The following FRMPD2 variants were observed in gnomAD, a reference collection of about 807,000 sequenced individuals.
FRMPD2 encodes the protein FERM and PDZ domain-containing protein 2.
FRMPD2 carries 96 observed loss-of-function variants against 140.1 expected under a neutral mutation model. The observed-to-expected ratio is 0.69, with a 90% CI of 0.58 to 0.81. The LOEUF is 0.81. Among genes scored for constraint, FRMPD2 ranks in the 40% least tolerant of loss-of-function variants. FRMPD2 has a pLI of 0.00. For synonymous variants in FRMPD2, 449 were observed against 547.6 expected, an observed-to-expected ratio of 0.82 and a Z score of 2.52; for missense variants, 1,240 against 1,447.4, an observed-to-expected ratio of 0.86 and a Z score of 2.32.
intron 16 of FRMPD2, among the ~76,000 whole-genome samples, chr10:48,188,757 G>T (rs1372071219): frequency 6.6e-6 from 1 of 152,202 alleles, no homozygotes; most frequent in South Asian, 2.1e-4. Flanking sequence ...GGGCTTTTCT[G>T]GGCCTGGGTT....
In FRMPD2 at chr10:48,184,864, C is replaced by T; in HGVS notation, c.2377G>A (p.Gly793Arg). 1 of 1,611,624 alleles carries T rather than the reference C, an allele frequency of 6.2e-7. No individual in the cohort carries two copies. Among genetic ancestry groups the T allele is most frequent in the Non-Finnish European group, 8.5e-7 (1 of 1,178,242 alleles). Residue 793 changes from glycine (G) to arginine (R), a missense_variant, in exon 19 of 29, where the codon GGA becomes AGA. Gly to Arg is a moderately radical substitution (Grantham distance 125). This residue lies in a region of FRMPD2 where 1,161 missense variants were observed against 1,055.9 expected (regional missense o/e 1.10). Coordinates refer to ENST00000374201, the MANE Select transcript of FRMPD2 (RefSeq NM_001018071.4). ...GGGTCAGCTTGGCCTGAATACTCTCCCTCATTAATGACAAACCCTGTAATC... is the reference window on the plus strand; with the variant it reads ...GGGTCAGCTTGGCCTGAATACTCTCTCTCATTAATGACAAACCCTGTAATC... ...HRGFGFVINE[G>R]EYSGQADPGI...
chr10:48,200,397 CA>C (rs1340783201), intron 15 of FRMPD2, among the ~76,000 whole-genome samples: 1 of 152,108 alleles, frequency 6.6e-6, no homozygotes. Context: ...CTGAACTAAG[CA>C]AGTTTGAATC....
At chr10:48,213,454 T>A (rs1839376656) in intron 12 of FRMPD2, among the ~76,000 whole-genome samples, 1 of 152,260 alleles carries the variant, frequency 6.6e-6, no homozygotes, top group Non-Finnish European at 1.5e-5. Flanking sequence ...GCTTACCATA[T>A]GATTGAGCAA....
chr10:48,201,263 T>A lies in FRMPD2; in HGVS notation c.1919A>T (p.Gln640Leu). The stretch of plus-strand genomic sequence containing the variant: ...ATGGGAAGGCTGCCCAGAGCCCATC[T>A]GTGCATTAAACCCATGCTGGGCTGA... ...LCSAQHGFNA[Q>L]MGSGQPSHVL... is the part of the protein sequence containing the mutation. The change falls in exon 15 of 29, where the codon CAG (glutamine) becomes CTG (leucine). Residue 640 changes from glutamine (Q) to leucine (L), a missense_variant. Around this residue, in one of 6 missense-constraint regions of FRMPD2, gnomAD observed 1,161 missense variants for 1,055.9 expected, o/e 1.10. Transcript: ENST00000374201. 2 of 1,613,154 alleles carry A rather than the reference T, an allele frequency of 1.2e-6. No individual in the cohort carries two copies. Among genetic ancestry groups the A allele is most frequent in the Non-Finnish European group, 1.7e-6 (2 of 1,179,486 alleles).
At chr10:48,185,669 C>G in intron 17 of FRMPD2, 24 bp from the exon 18 acceptor site, 1 of 1,571,992 alleles carries the variant, frequency 6.4e-7, no homozygotes, top group Non-Finnish European at 8.8e-7. Flanking sequence ...CAGAGCACCA[C>G]ATTGTGCTTT....
chr10:48,209,822 C>A (rs1588831273), intron 13 of FRMPD2, among the ~76,000 whole-genome samples: 2 of 152,274 alleles, frequency 1.3e-5, no homozygotes, highest in Middle Eastern at 3.4e-3. Context: ...AAGATGCTAA[C>A]CTCAGTATTG....
intron 17 of FRMPD2, 144 bp downstream of exon 17, chr10:48,187,048 T>G (rs1010660366): frequency 1.7e-6 from 1 of 603,076 alleles, no homozygotes; most frequent in Non-Finnish European, 2.9e-6. Flanking sequence ...CAATCACAAG[T>G]AGTTTAAAAA....
chr10:48,200,197 T>TAAAAAAAA lies in FRMPD2; in HGVS notation c.1954+1030_1954+1031insTTTTTTTT, dbSNP rs201140091. On this transcript the variant is annotated intron_variant, in intron 15 of 28. Transcript: ENST00000374201. ...ATAAATAAATAAATAAATAAATAAA[T>TAAAAAAAA]AAAACAGAGCCAAGCAACCATTTGC... 9.8e-3 allele frequency among the ~76,000 whole-genome samples: 1,374 copies of TAAAAAAAA among 139,706 alleles called. 12 individuals are homozygous for TAAAAAAAA. The highest frequency in any genetic ancestry group is 0.016 in the Non-Finnish European group (1,030 of 64,468). 91.7% of individuals were successfully genotyped at this position (139,706 alleles called of 152,430 possible).
intron 16 of FRMPD2, among the ~76,000 whole-genome samples, chr10:48,189,630 C>T (rs1029694843): frequency 2.6e-5 from 4 of 152,156 alleles, no homozygotes; most frequent in Non-Finnish European, 4.4e-5. Context: ...TGCTCACCAC[C>T]GAATCCTCCA....
At chr10:48,210,967 A>T (rs1281821515) in intron 13 of FRMPD2, among the ~76,000 whole-genome samples, 3 of 152,246 alleles carry the variant, frequency 2.0e-5, no homozygotes, top group Non-Finnish European at 4.4e-5. Flanking sequence ...GGAAGCTGCG[A>T]GTGTCCTCGC....
chr10:48,222,618 T>C (rs1215400040), intron 11 of FRMPD2, among the ~76,000 whole-genome samples, 167 bp from the exon 12 acceptor site: 2 of 152,218 alleles, frequency 1.3e-5, no homozygotes, highest in Non-Finnish European at 2.9e-5. Flanking sequence ...CTCCTGCATT[T>C]ATACCATGCC....
intron 24 of FRMPD2, among the ~76,000 whole-genome samples, chr10:48,173,654 C>G (rs1443806362): frequency 1.3e-5 from 2 of 152,164 alleles, no homozygotes; most frequent in Admixed American, 1.3e-4. Flanking sequence ...ACTGAACATG[C>G]AACATTCTTG....
At chr10:48,180,425 G>C (rs1838516266) in intron 21 of FRMPD2, among the ~76,000 whole-genome samples, 1 of 152,164 alleles carries the variant, frequency 6.6e-6, no homozygotes, top group African/African-American at 2.4e-5. Context: ...TTCCCAGCTT[G>C]AGGACCAATT....
intron 1 of FRMPD2, among the ~76,000 whole-genome samples, chr10:48,255,068 C>T (rs537620957): frequency 1.3e-5 from 2 of 152,258 alleles, no homozygotes; most frequent in South Asian, 4.2e-4. Context: ...TCTGGGAAAG[C>T]ATCCAGTCAA....
intron 1 of FRMPD2, among the ~76,000 whole-genome samples, chr10:48,252,746 A>G (rs529174142): frequency 4.6e-5 from 7 of 152,356 alleles, no homozygotes; most frequent in African/African-American, 1.7e-4. Flanking sequence ...TATCACAAGG[A>G]GTCTGTGAAG....
rs1564416013 is a variant in FRMPD2, at chr10:48,178,158, T to TAAAC, written c.2791-11_2791-8dup. The stretch of plus-strand genomic sequence containing the variant: ...GACAAGAAGAACCAGCACCCTGCCA[T>TAAAC]AAACAAACAAACAAAAATAAAGATG... On this transcript the variant is annotated splice_region_variant and splice_polypyrimidine_tract_variant and intron_variant, in intron 21 of 28. Transcript: ENST00000374201. 3.5e-6 allele frequency: 5 copies of TAAAC among 1,449,236 alleles called. No individual in the cohort carries two copies. The highest frequency in any genetic ancestry group is 4.8e-6 in the Non-Finnish European group (5 of 1,033,502). The allele number at this position is 1,449,236 out of a possible 1,614,324, so 89.8% of individuals were successfully genotyped here.
At chr10:48,272,326 A>G (rs1346351461) in intron 1 of FRMPD2, among the ~76,000 whole-genome samples, 1 of 152,216 alleles carries the variant, frequency 6.6e-6, no homozygotes, top group Non-Finnish European at 1.5e-5. Context: ...GTGAGAGCCA[A>G]TTGTTAAATT....
At chr10:48,232,344 G>T (rs763892701) in intron 9 of FRMPD2, 55 bp from the exon 10 acceptor site, 166 of 1,317,682 alleles carry the variant, frequency 1.3e-4, no homozygotes, top group Non-Finnish European at 1.6e-5. Context: ...TGAGCCTTTA[G>T]TGTGTGCTGG....
upstream of FRMPD2, chr10:48,274,855 G>T: frequency 2.3e-6 from 1 of 440,588 alleles, no homozygotes. Flanking sequence ...ACCCGTGAGA[G>T]AGCCAGGAAG....
Sources: allele counts gnomAD v4.1 joint callset (sites outside exome capture counted in the v4.1 genomes callset), GRCh38; gene constraint gnomAD v4.1.1; regional missense constraint gnomAD v4.1.1; transcripts MANE v1.5; gene names NCBI Gene and HGNC (gene_info 2026-07-23, HGNC 2026-07-21).